The following GNAQ variants were observed in gnomAD, a reference collection of about 807,000 sequenced individuals.
The protein encoded by GNAQ is G protein subunit alpha q.
GNAQ carries 8 observed loss-of-function variants against 43.9 expected under a neutral mutation model. That is an observed-to-expected ratio of 0.18 (90% CI 0.11 to 0.33). GNAQ has a LOEUF of 0.33. GNAQ is among the 10% of genes least tolerant of loss of function. The pLI, the probability that GNAQ is intolerant of heterozygous loss-of-function variation, is 1.00. For synonymous variants in GNAQ, 155 were observed against 170.7 expected (o/e 0.91, Z 0.71); for missense variants, 158 against 450.8 (o/e 0.35, Z 5.88).
At position 77,719,059 on chromosome 9, in the gene GNAQ, G is replaced by C. The variant is rs901349253; in HGVS notation, c.*2264C>G. The C allele has an allele frequency of 4.3e-6, 1 of 230,668 alleles. No individual in the cohort carries two copies. Among genetic ancestry groups the C allele is most frequent in the African/African-American group, 2.2e-5 (1 of 44,950 alleles). 14.3% of individuals were successfully genotyped at this position (230,668 alleles called of 1,614,324 possible). On this transcript the variant is annotated 3_prime_UTR_variant, in exon 7 of 7. Coordinates refer to ENST00000286548, the MANE Select transcript of GNAQ (RefSeq NM_002072.5). Reference sequence around the variant, plus strand: ...TTATAATCAGTATACCTCTACTCAGGAATGTGCAAATGATTTTATACAGCA... The same window carrying C: ...TTATAATCAGTATACCTCTACTCAGCAATGTGCAAATGATTTTATACAGCA...
At chr9:77,954,479 A>T (rs1447113174) in intron 1 of GNAQ, among the ~76,000 whole-genome samples, 2 of 152,196 alleles carry the variant, frequency 1.3e-5, no homozygotes, top group Admixed American at 6.5e-5. Flanking sequence ...ATGCTTGATA[A>T]AACAGGAGAA....
intron 2 of GNAQ, among the ~76,000 whole-genome samples, chr9:77,861,709 C>T (rs766642958): frequency 9.9e-5 from 15 of 152,090 alleles, no homozygotes; most frequent in South Asian, 2.1e-4. Flanking sequence ...CACACTGATG[C>T]GTGATGCATG....
chr9:77,892,159 T>C (rs1277227043), intron 2 of GNAQ, among the ~76,000 whole-genome samples: 1 of 152,216 alleles, frequency 6.6e-6, no homozygotes. Flanking sequence ...TCTAGCCTAG[T>C]GCATGGATTT....
At chr9:77,779,680 C>CAAAAAAAAAAAAAAAAAAAAAAA (rs58014303) in intron 5 of GNAQ, among the ~76,000 whole-genome samples, 1 of 95,940 alleles carries the variant, frequency 1.0e-5, no homozygotes, top group Admixed American at 1.1e-4. Flanking sequence ...AAAAACAAAA[C>CAAAAAAAAAAAAAAAAAAAAAAA]AAAAAAAAAA....
Position 77,889,337 on chromosome 9 carries a change from G to C in GNAQ, c.321+32824C>G, listed in dbSNP as rs547081139. Among the ~76,000 whole-genome samples the C allele has an allele frequency of 1.1e-3, 157 of 146,874 alleles. 1 individual carries two copies. The highest frequency in any genetic ancestry group is 1.3e-4 in the Non-Finnish European group (9 of 67,254). ...GAGGTGGGAGGACTGCGTGAGCCTG[G>C]GAGGCGTAGGGTGCAGTGAGCCAAG... On this transcript the variant is annotated intron_variant, in intron 2 of 6. Transcript: ENST00000286548.
chr9:77,916,827 C>A (rs989763676), intron 2 of GNAQ, among the ~76,000 whole-genome samples: 1 of 151,888 alleles, frequency 6.6e-6, no homozygotes, highest in Non-Finnish European at 1.5e-5. Context: ...TTCTCTTAGA[C>A]AACTGTCTTA....
At chr9:77,923,719 T>C (rs577442372) in intron 1 of GNAQ, among the ~76,000 whole-genome samples, 1 of 151,764 alleles carries the variant, frequency 6.6e-6, no homozygotes, top group South Asian at 2.1e-4. Flanking sequence ...AGAATGTCCC[T>C]ATCATCAGGG....
rs1825289922 is a variant in GNAQ, at chr9:77,720,270, A to G, written c.*1053T>C. 1 of 233,508 alleles carries G rather than the reference A, an allele frequency of 4.3e-6. No individual in the cohort carries two copies. The highest frequency in any genetic ancestry group is 5.6e-5 in the Admixed American group (1 of 17,794). The allele number at this position is 233,508 out of a possible 1,614,324, so 14.5% of individuals were successfully genotyped here. A position where few individuals can be genotyped will look rare whatever the true frequency, so the allele number is the denominator to read the frequency against. ...TTACTCTCTTACATTTTAAGATACCAGCTTTTATTTTTTAAGTTCGTATTC... is the reference window on the plus strand; with the variant it reads ...TTACTCTCTTACATTTTAAGATACCGGCTTTTATTTTTTAAGTTCGTATTC... On this transcript the variant is annotated 3_prime_UTR_variant, in exon 7 of 7. Transcript: ENST00000286548.
chr9:77,975,692 A>G (rs1213096659), intron 1 of GNAQ, among the ~76,000 whole-genome samples: 1 of 151,912 alleles, frequency 6.6e-6, no homozygotes, highest in Non-Finnish European at 1.5e-5. Context: ...CGCGCACACC[A>G]CCATGCCCAG....
chr9:77,775,389 G>A (rs1826290814), intron 5 of GNAQ, among the ~76,000 whole-genome samples: 1 of 147,426 alleles, frequency 6.8e-6, no homozygotes, highest in South Asian at 2.2e-4. Context: ...ATCTAAGAAT[G>A]TTCACTTCTC....
chr9:77,943,156 T>A (rs932655155), intron 1 of GNAQ, among the ~76,000 whole-genome samples: 1 of 152,212 alleles, frequency 6.6e-6, no homozygotes, highest in Non-Finnish European at 1.5e-5. Flanking sequence ...ATTTCTGACC[T>A]CAAAAGCTCT....
At chr9:77,975,201 A>G (rs1238694156) in intron 1 of GNAQ, among the ~76,000 whole-genome samples, 1 of 152,230 alleles carries the variant, frequency 6.6e-6, no homozygotes, top group African/African-American at 2.4e-5. Context: ...ATTGTATTGC[A>G]GCAAACGAAA....
chr9:77,778,564 G>A (rs1299000442), intron 5 of GNAQ, among the ~76,000 whole-genome samples: 1 of 151,780 alleles, frequency 6.6e-6, no homozygotes, highest in African/African-American at 2.4e-5. Context: ...AATGATCATG[G>A]TAGATATTAT....
intron 1 of GNAQ, among the ~76,000 whole-genome samples, chr9:77,984,173 TTTC>T (rs1424019760): frequency 7.4e-6 from 1 of 135,314 alleles, no homozygotes; most frequent in Non-Finnish European, 1.6e-5. Context: ...TTTTTTTGCT[TTTC>T]TTTTTTTTTT....
chr9:77,986,635 A>C (rs1386459215), intron 1 of GNAQ, among the ~76,000 whole-genome samples: 1 of 152,010 alleles, frequency 6.6e-6, no homozygotes, highest in Non-Finnish European at 1.5e-5. Context: ...CCTCCCAAGT[A>C]GCTGGGACTA....
intron 2 of GNAQ, among the ~76,000 whole-genome samples, chr9:77,864,469 G>T (rs1314498231): frequency 6.6e-6 from 1 of 152,184 alleles, no homozygotes; most frequent in East Asian, 1.9e-4. Flanking sequence ...GATTATCCAA[G>T]TGGGCCCAAT....
chr9:77,797,669 T>C (rs746755707), intron 3 of GNAQ, 21 bp from the exon 4 acceptor site: 2 of 1,610,588 alleles, frequency 1.2e-6, no homozygotes, highest in Non-Finnish European at 1.7e-6. Flanking sequence ...GAAGACACAA[T>C]GAGAATGTCA....
chr9:77,942,790 A>G (rs1339577578), intron 1 of GNAQ, among the ~76,000 whole-genome samples: 1 of 152,258 alleles, frequency 6.6e-6, no homozygotes, highest in Admixed American at 6.5e-5. Flanking sequence ...GAAATCTACC[A>G]GAATATGATC....
At chr9:78,022,132 G>A (rs1243879466) in intron 1 of GNAQ, among the ~76,000 whole-genome samples, 1 of 152,160 alleles carries the variant, frequency 6.6e-6, no homozygotes, top group Non-Finnish European at 1.5e-5. Context: ...TTATTACAGA[G>A]GTCAAAGAGA....
Sources: allele counts gnomAD v4.1 joint callset (sites outside exome capture counted in the v4.1 genomes callset), GRCh38; gene constraint gnomAD v4.1.1; transcripts MANE v1.5; gene names NCBI Gene and HGNC (gene_info 2026-07-23, HGNC 2026-07-21).